STAB2: variants seen among roughly 807,000 people sequenced by gnomAD.
STAB2 encodes stabilin-2.
STAB2 carries 288 observed loss-of-function variants against 338.1 expected under a neutral mutation model. The ratio of observed to expected loss-of-function variants is 0.85; its 90% CI spans 0.77 to 0.94. STAB2 has a LOEUF of 0.94. STAB2 is among the 40% of genes least tolerant of loss of function. The pLI, the probability that STAB2 is intolerant of heterozygous loss-of-function variation, is 0.00. For missense variants in STAB2, 3,141 were observed against 3,210.1 expected (o/e 0.98, Z 0.52); for synonymous variants, 1,202 against 1,193.3 (o/e 1.01, Z -0.15).
At chr12:103,682,870 C>G (rs1877049519) in intron 25 of STAB2, among the ~76,000 whole-genome samples, 2 of 152,104 alleles carry the variant, frequency 1.3e-5, no homozygotes, top group African/African-American at 4.8e-5. Flanking sequence ...ATCGCTTGAA[C>G]CTGGGAGGCA....
Position 103,735,512 on chromosome 12 carries a change from A to G in STAB2, c.5482A>G (p.Thr1828Ala). Reference sequence around the variant, plus strand: ...ACAGGTTTTAGCTGTGGATCTTCCCACATCCACTGCCTGGAAGACCCTGCA... The same window carrying G: ...ACAGGTTTTAGCTGTGGATCTTCCCGCATCCACTGCCTGGAAGACCCTGCA... ...DAKVLAVDLP[T>A]STAWKTLQGS... The change falls in exon 52 of 69, where the codon ACA becomes GCA. Residue 1828 changes from threonine (T) to alanine (A), a missense_variant. Thr to Ala is a moderately conservative substitution (Grantham distance 58, BLOSUM62 0). Coordinates refer to ENST00000388887, the MANE Select transcript of STAB2 (RefSeq NM_017564.10). 1 of 1,610,754 alleles carries G rather than the reference A, an allele frequency of 6.2e-7. No individual in the cohort carries two copies. Among genetic ancestry groups the G allele is most frequent in the South Asian group, 1.1e-5 (1 of 90,438 alleles).
At position 103,719,358 on chromosome 12, in the gene STAB2, G is replaced by A. The variant is rs774173556; in HGVS notation, c.4683+1517G>A. On this transcript the variant is annotated intron_variant, in intron 44 of 68. Coordinates refer to ENST00000388887, the MANE Select transcript of STAB2 (RefSeq NM_017564.10). ...TTATTAACCCCATTTTACAGACAAA[G>A]AGACTCTAGCTGTGCCTCTTTCCTA... Among the ~76,000 whole-genome samples the A allele has an allele frequency of 1.9e-4, 28 of 150,546 alleles. 1 individual carries two copies. The highest frequency in any genetic ancestry group is 3.4e-3 in the Middle Eastern group (1 of 294).
chr12:103,744,232 C>T (rs1882815959), intron 56 of STAB2, among the ~76,000 whole-genome samples: 2 of 152,122 alleles, frequency 1.3e-5, no homozygotes. Flanking sequence ...CAGCCTCAAC[C>T]TCCTGGGCTC....
In STAB2 at chr12:103,689,484, A is replaced by G. The variant is rs546384600; in HGVS notation, c.3046-362A>G. On this transcript the variant is annotated intron_variant, in intron 28 of 68. Coordinates refer to ENST00000388887, the MANE Select transcript of STAB2 (RefSeq NM_017564.10). ...GGTGACAGAGTGAGACTCCATCTCA[A>G]AAAAAAAAAGAAAAAAAAAAATGAA... Among the ~76,000 whole-genome samples, 6 of 127,752 alleles carry G rather than the reference A, an allele frequency of 4.7e-5. 1 individual carries two copies. In the East Asian group the frequency reaches 7.8e-4, roughly 17 times the overall value. 83.8% of individuals were successfully genotyped at this position (127,752 alleles called of 152,430 possible).
intron 3 of STAB2, among the ~76,000 whole-genome samples, chr12:103,617,265 A>G (rs975783937): frequency 5.3e-5 from 8 of 152,206 alleles, no homozygotes; most frequent in African/African-American, 1.9e-4. Context: ...TGGAAATAAG[A>G]ACCAAGTCTG....
At position 103,742,672 on chromosome 12, in the gene STAB2, C is replaced by T. The variant is rs145819145; in HGVS notation, c.6031+118C>T. On this transcript the variant is annotated intron_variant, in intron 56 of 68. Transcript: ENST00000388887. ...TTTTGTCCTTTCTCTCAGCCACACC[C>T]CTCCAATCTGCCTGCCCTATGTGTT... is the stretch of plus-strand genomic sequence containing the variant. 7,134 of 1,476,798 alleles carry T rather than the reference C, an allele frequency of 4.8e-3. 45 individuals are homozygous for T. Among genetic ancestry groups the T allele is most frequent in the South Asian group, 0.015 (1,187 of 77,766 alleles). 91.5% of individuals were successfully genotyped at this position (1,476,798 alleles called of 1,614,324 possible).
chr12:103,648,635 T>C (rs1873505181), intron 9 of STAB2, 55 bp from the exon 10 acceptor site: 2 of 1,589,534 alleles, frequency 1.3e-6, no homozygotes, highest in Admixed American at 1.7e-5. Context: ...GACTGTATGA[T>C]CAAAATACTC....
chr12:103,590,907 G>GTGAT lies in STAB2; in HGVS notation c.93_96dup (p.Arg33Ter). ...TTAATATTTACACAGGCAAGAAGAT[G>GTGAT]TGATAGGAAGTCTCTTCTTACAATT... On this transcript the variant is annotated frameshift_variant, in exon 2 of 69. Coordinates refer to ENST00000388887, the MANE Select transcript of STAB2 (RefSeq NM_017564.10). LOFTEE classifies it high-confidence loss of function. 3 of 1,614,108 alleles carry GTGAT rather than the reference G, an allele frequency of 1.9e-6. No individual in the cohort carries two copies. The highest frequency in any genetic ancestry group is 2.5e-6 in the Non-Finnish European group (3 of 1,179,998).
At chr12:103,746,810 C>G (rs1382912632) in intron 58 of STAB2, 106 bp downstream of exon 58, 1 of 1,077,488 alleles carries the variant, frequency 9.3e-7, no homozygotes, top group Non-Finnish European at 1.4e-6. Flanking sequence ...CTGTCTGGGC[C>G]ACTTCAGCAG....
chr12:103,695,720 G>A lies in STAB2; in HGVS notation c.3475-17G>A, dbSNP rs374658596. 4.4e-5 allele frequency: 71 copies of A among 1,614,006 alleles called. No individual in the cohort carries two copies. The Middle Eastern group carries it at 4.9e-4, about 11-fold the overall frequency. ...GAACAGGAATCCCTCATGCACTCTT[G>A]TCTCTTTCCATCGCAGCAATATAAT... On this transcript the variant is annotated splice_polypyrimidine_tract_variant and intron_variant, in intron 32 of 68. Transcript: ENST00000388887.
chr12:103,692,841 C>T lies in STAB2; in HGVS notation c.3327C>T (p.Val1109=), dbSNP rs146582962. 189 of 1,613,654 alleles carry T rather than the reference C, an allele frequency of 1.2e-4. 1 individual carries two copies. In the African/African-American group the frequency reaches 2.1e-3, roughly 18 times the overall value. Residue 1109 remains valine (V), a synonymous_variant, in exon 31 of 69, where the codon GTC becomes GTT. Transcript: ENST00000388887. ...GNITIEGASI[V]DGDNAATNGV... ...TCACAATTGAAGGGGCCTCCATTGTCGATGGGGACAACGCAGCCACAAATG... is the reference window on the plus strand; with the variant it reads ...TCACAATTGAAGGGGCCTCCATTGTTGATGGGGACAACGCAGCCACAAATG...
In STAB2 at chr12:103,620,675, C is replaced by T. The variant is rs1167099815; in HGVS notation, c.417+122C>T. 8 of 865,174 alleles carry T rather than the reference C, an allele frequency of 9.2e-6. No homozygotes were observed. In the Admixed American group the frequency reaches 1.1e-4, roughly 12 times the overall value. 53.6% of individuals were successfully genotyped at this position (865,174 alleles called of 1,614,324 possible). ...CACACGTGCACACACACATATACAGCGAAGTTCTTAAGCAGTGAAGGTATT... is the reference window on the plus strand; with the variant it reads ...CACACGTGCACACACACATATACAGTGAAGTTCTTAAGCAGTGAAGGTATT... On this transcript the variant is annotated intron_variant, in intron 4 of 68. Transcript: ENST00000388887.
rs773920243 is a variant in STAB2, at chr12:103,703,116, T to C, written c.3715-32T>C. On this transcript the variant is annotated intron_variant, in intron 34 of 68. Transcript: ENST00000388887. ...CTTTTCCATATCTCTTTAAATGTCA[T>C]AAAAAGTGACATTTAACCCTGTTGT... 3.1e-6 allele frequency: 5 copies of C among 1,602,530 alleles called. No individual in the cohort carries two copies. In the African/African-American group the frequency reaches 6.7e-5, roughly 22 times the overall value.
chr12:103,704,010 C>T (rs1879128142), intron 35 of STAB2, among the ~76,000 whole-genome samples: 2 of 152,108 alleles, frequency 1.3e-5, no homozygotes, highest in African/African-American at 4.8e-5. Flanking sequence ...GGCAGCCTGG[C>T]CCAGAACTGG....
intron 6 of STAB2, among the ~76,000 whole-genome samples, chr12:103,636,622 G>A (rs1015473086): frequency 1.3e-5 from 2 of 152,040 alleles, no homozygotes; most frequent in African/African-American, 4.8e-5. Context: ...CCTGCTGTAA[G>A]TATTAAGCTG....
intron 61 of STAB2, 107 bp downstream of exon 61, chr12:103,753,460 G>A (rs1883848316): frequency 2.0e-6 from 3 of 1,476,256 alleles, no homozygotes; most frequent in South Asian, 1.2e-5. Context: ...AAGCAAGGGA[G>A]TGCAGGTAGC....
intron 44 of STAB2, among the ~76,000 whole-genome samples, chr12:103,719,677 T>A (rs958191649): frequency 6.6e-6 from 1 of 152,266 alleles, no homozygotes; most frequent in Non-Finnish European, 1.5e-5. Context: ...TAATCTAGGA[T>A]GATGTTATCT....
chr12:103,605,009 T>A (rs1057257267), intron 3 of STAB2, among the ~76,000 whole-genome samples: 5 of 151,894 alleles, frequency 3.3e-5, no homozygotes, highest in Admixed American at 6.6e-5. Context: ...AGCACTGCTT[T>A]AAGTGCATCT....
At chr12:103,613,400 C>T (rs1288998001) in intron 3 of STAB2, among the ~76,000 whole-genome samples, 2 of 152,188 alleles carry the variant, frequency 1.3e-5, no homozygotes. Flanking sequence ...GAGCCTCTCC[C>T]CCAGCCTCGC....
Sources: gnomAD v4.1 joint callset for allele counts (sites outside exome capture counted in the v4.1 genomes callset) on GRCh38, gnomAD v4.1.1 for gene constraint, MANE v1.5 for transcripts, NCBI Gene and HGNC (gene_info 2026-07-23, HGNC 2026-07-21) for gene names.